Variants in STAU2 observed in about 807,000 individuals in gnomAD.
STAU2 encodes the protein staufen double-stranded RNA binding protein 2, also known as double-stranded RNA-binding protein Staufen homolog 2.
Under a neutral mutation model 65.9 loss-of-function variants are expected in STAU2, and 20 were observed. The observed-to-expected ratio is 0.30, with a 90% confidence interval of 0.21 to 0.44. The LOEUF is 0.44. Ranked by LOEUF, STAU2 falls within the 20% of genes least tolerant of loss-of-function variation. STAU2 has a pLI of 1.00. For synonymous variants in STAU2, 232 were observed against 233.9 expected (o/e 0.99, Z 0.07); for missense variants, 558 against 683.9 (o/e 0.82, Z 2.05).
chr8:73,660,540 A>G (rs1424954025), intron 6 of STAU2, among the ~76,000 whole-genome samples: 1 of 152,238 alleles, frequency 6.6e-6, no homozygotes, highest in East Asian at 1.9e-4. Context: ...CCAAGTTATT[A>G]GTACTTGAAT....
intron 12 of STAU2, among the ~76,000 whole-genome samples, chr8:73,567,704 C>CT (rs1301547596): frequency 2.0e-5 from 3 of 151,940 alleles, no homozygotes; most frequent in Non-Finnish European, 4.4e-5. Flanking sequence ...TGTGCCACAC[C>CT]ATGCCTGGCA....
chr8:73,515,491 T>C (rs1436622373), intron 13 of STAU2, among the ~76,000 whole-genome samples: 3 of 152,134 alleles, frequency 2.0e-5, no homozygotes, highest in Non-Finnish European at 1.5e-5. Context: ...CCCTGAAATG[T>C]AAAGTGCAGA....
chr8:73,527,667 C>T lies in STAU2; in HGVS notation c.1530+24345G>A. On this transcript the variant is annotated intron_variant, in intron 13 of 14. Transcript: ENST00000524300. ...ATTTCCGAGCTGGGCCATAACACAG[C>T]AAAATGGCAGTGGCATATTATACCT... 3 of 1,523,582 alleles carry T rather than the reference C, an allele frequency of 2.0e-6. No individual in the cohort carries two copies. The South Asian group carries it at 3.6e-5, about 18-fold the overall frequency. The allele number at this position is 1,523,582 out of a possible 1,614,324, so 94.4% of individuals were successfully genotyped here.
intron 1 of STAU2, among the ~76,000 whole-genome samples, chr8:73,745,871 C>G (rs951689390): frequency 2.0e-5 from 3 of 152,160 alleles, no homozygotes; most frequent in Non-Finnish European, 4.4e-5. Flanking sequence ...GCCATTACCC[C>G]CACCGCCTCC....
chr8:73,577,456 T>TATAC (rs1296346763), intron 12 of STAU2, among the ~76,000 whole-genome samples: 42 of 150,284 alleles, frequency 2.8e-4, no homozygotes, highest in Admixed American at 8.6e-4. Flanking sequence ...TATATATATA[T>TATAC]ACACACACAT....
chr8:73,428,274 C>T (rs1264553676), intron 13 of STAU2, among the ~76,000 whole-genome samples: 1 of 152,108 alleles, frequency 6.6e-6, no homozygotes, highest in Non-Finnish European at 1.5e-5. Flanking sequence ...CCAATTCTAT[C>T]CATGTTGTTG....
At chr8:73,605,443 G>A (rs1023134811) in intron 9 of STAU2, among the ~76,000 whole-genome samples, 2 of 151,398 alleles carry the variant, frequency 1.3e-5, no homozygotes, top group South Asian at 2.1e-4. Flanking sequence ...TGAGTAGCTG[G>A]GACTACAGGC....
chr8:73,647,726 G>A (rs1815498700), intron 6 of STAU2, among the ~76,000 whole-genome samples: 1 of 151,756 alleles, frequency 6.6e-6, no homozygotes. Context: ...CAACACACAT[G>A]TACCACCATG....
intron 13 of STAU2, among the ~76,000 whole-genome samples, chr8:73,538,382 T>C (rs2128936478): frequency 6.6e-6 from 1 of 152,252 alleles, no homozygotes; most frequent in East Asian, 1.9e-4. Context: ...TTAAGGAGAA[T>C]TGAAAGTAGC....
intron 3 of STAU2, among the ~76,000 whole-genome samples, chr8:73,737,784 A>G (rs1405060545): frequency 2.0e-5 from 3 of 152,052 alleles, no homozygotes; most frequent in Non-Finnish European, 2.9e-5. Flanking sequence ...AAGTTCTTGG[A>G]GAAACGTCAA....
chr8:73,560,859 C>T (rs1044196031), intron 12 of STAU2, among the ~76,000 whole-genome samples: 1 of 152,144 alleles, frequency 6.6e-6, no homozygotes, highest in Non-Finnish European at 1.5e-5. Flanking sequence ...AAAGCTTGTA[C>T]CTTAGTCAAA....
At chr8:73,579,581 A>T (rs766253674) in intron 12 of STAU2, among the ~76,000 whole-genome samples, 9 of 152,162 alleles carry the variant, frequency 5.9e-5, no homozygotes, top group Non-Finnish European at 1.2e-4. Flanking sequence ...ATCTTTTTTT[A>T]AAAAAGTTAT....
At chr8:73,598,332 A>G (rs1811364392) in intron 10 of STAU2, among the ~76,000 whole-genome samples, 1 of 146,938 alleles carries the variant, frequency 6.8e-6, no homozygotes, top group African/African-American at 2.5e-5. Context: ...GGTTCACGCC[A>G]TTCTCCTGCC....
At chr8:73,616,481 G>A (rs1395849641) in intron 7 of STAU2, among the ~76,000 whole-genome samples, 1 of 152,114 alleles carries the variant, frequency 6.6e-6, no homozygotes, top group Admixed American at 6.6e-5. Context: ...AAACTGTAGA[G>A]GTTGAACTGT....
chr8:73,551,086 A>G, intron 13 of STAU2: 1 of 987,424 alleles, frequency 1.0e-6, no homozygotes, highest in East Asian at 1.1e-4. Context: ...TCTACACACA[A>G]GCAAACTAGT....
chr8:73,614,559 G>C (rs1295532802), intron 8 of STAU2, among the ~76,000 whole-genome samples: 1 of 152,134 alleles, frequency 6.6e-6, no homozygotes, highest in Non-Finnish European at 1.5e-5. Flanking sequence ...CTAGAGTAAT[G>C]AGTTATGGAC....
chr8:73,529,086 C>T (rs1196863247), intron 13 of STAU2, among the ~76,000 whole-genome samples: 1 of 152,086 alleles, frequency 6.6e-6, no homozygotes, highest in Non-Finnish European at 1.5e-5. Flanking sequence ...TCCCAAAGTA[C>T]TATAAAGATT....
chr8:73,664,433 T>C (rs529634002), intron 6 of STAU2, among the ~76,000 whole-genome samples: 9 of 152,350 alleles, frequency 5.9e-5, no homozygotes, highest in East Asian at 5.8e-4. Flanking sequence ...TGGAGGTTGT[T>C]TGAAGAAGCC....
intron 1 of STAU2, among the ~76,000 whole-genome samples, chr8:73,740,812 C>T (rs980176446): frequency 2.6e-5 from 4 of 151,950 alleles, no homozygotes; most frequent in African/African-American, 7.3e-5. Flanking sequence ...ACCAGCCTGG[C>T]CAACATGGTG....
Sources: gnomAD v4.1 joint callset for allele counts (sites outside exome capture counted in the v4.1 genomes callset) on GRCh38, gnomAD v4.1.1 for gene constraint, MANE v1.5 for transcripts, NCBI Gene and HGNC (gene_info 2026-07-23, HGNC 2026-07-21) for gene names.